Variants in FGFR1 observed in about 807,000 individuals in gnomAD.
FGFR1 encodes the protein FGFR1/PLAG1 fusion.
A neutral mutation model predicts 93.7 loss-of-function variants in FGFR1; 18 were observed. The ratio of observed to expected loss-of-function variants is 0.19; its 90% confidence interval spans 0.13 to 0.28. The LOEUF (loss-of-function observed/expected upper bound fraction) is 0.28. Among genes scored for constraint, FGFR1 ranks in the 10% least tolerant of loss-of-function variants. FGFR1 has a pLI of 1.00. For synonymous variants in FGFR1, 448 were observed against 429.3 expected (o/e 1.04, Z -0.54); for missense variants, 731 against 1,080.4 (o/e 0.68, Z 4.53).
intron 2 of FGFR1, 95 bp downstream of exon 2, chr8:38,457,261 T>C (rs2151335920): frequency 1.4e-6 from 2 of 1,387,498 alleles, no homozygotes; most frequent in Non-Finnish European, 2.0e-6. Context: ...GAGCCTTCCC[T>C]GTTGACCACA....
At position 38,413,442 on chromosome 8, in the gene FGFR1, G is replaced by T; in HGVS notation, c.*186C>A. ...TCTTTGCACCTCTCACCAGCAGGTG[G>T]AGAGGAGGTGGAGGGAGAGGTGAGC... On this transcript the variant is annotated 3_prime_UTR_variant, in exon 18 of 18. Transcript: ENST00000447712. The surrounding 1 kb of genome is among the most constrained non-coding windows in gnomAD (Gnocchi z 4.2). The T allele has an allele frequency of 3.2e-6, 2 of 616,174 alleles. No homozygotes were observed. The highest frequency in any genetic ancestry group is 3.0e-5 in the Admixed American group (1 of 33,474). 38.2% of individuals were successfully genotyped at this position (616,174 alleles called of 1,614,324 possible).
chr8:38,468,633 T>C lies in FGFR1; in HGVS notation c.-741A>G, dbSNP rs971464879. 50 of 231,236 alleles carry C rather than the reference T, an allele frequency of 2.2e-4. No individual in the cohort carries two copies. Among genetic ancestry groups the C allele is most frequent in the Middle Eastern group, 2.6e-3 (2 of 776 alleles). The allele number at this position is 231,236 out of a possible 1,614,324, so 14.3% of individuals were successfully genotyped here. ...GGCCGCAAGAGCGCTCCGAGCGCTA[T>C]GCGCCGGCGGGGCGCGAGGGCTCGC... On this transcript the variant is annotated 5_prime_UTR_variant, in exon 1 of 18. Transcript: ENST00000447712.
chr8:38,431,118 C>T (rs761394647), intron 2 of FGFR1, among the ~76,000 whole-genome samples: 10 of 152,228 alleles, frequency 6.6e-5, no homozygotes, highest in Non-Finnish European at 1.2e-4. Context: ...CTCAGTGGAG[C>T]GACTGCCGCT....
intron 2 of FGFR1, among the ~76,000 whole-genome samples, chr8:38,436,170 T>C (rs1287136451): frequency 2.7e-5 from 4 of 150,932 alleles, no homozygotes; most frequent in Non-Finnish European, 5.9e-5. Flanking sequence ...AGGCCAGGAG[T>C]TCAAAACCAG....
chr8:38,463,259 T>C (rs907826556), intron 1 of FGFR1: 4 of 175,656 alleles, frequency 2.3e-5, no homozygotes, highest in East Asian at 9.8e-5. Context: ...TCCATGCCTC[T>C]GTGCAAGACT....
rs2150709881 is a variant in FGFR1 at position 38,419,634 on chromosome 8, T to A, written c.1183A>T (p.Ile395Phe). 6.2e-7 allele frequency: 1 copy of A among 1,614,158 alleles called. No individual in the cohort carries two copies. Among genetic ancestry groups the A allele is most frequent in the East Asian group, 2.2e-5 (1 of 44,872 alleles). Reference sequence around the variant, plus strand: ...GTACCACTCTTCATCTTGTAGACGATGACCGACCCCACCATGCAGGAGATG... The same window carrying A: ...GTACCACTCTTCATCTTGTAGACGAAGACCGACCCCACCATGCAGGAGATG... The part of the protein sequence containing the change: ...FLISCMVGSV[I>F]VYKMKSGTKK... Residue 395 changes from isoleucine (I) to phenylalanine (F), a missense_variant, in exon 9 of 18, where the codon ATC becomes TTC. Physicochemically the swap from Ile to Phe is conservative, Grantham distance 21. This residue lies in a region of FGFR1 where 146 missense variants were observed against 173.0 expected (regional missense o/e 0.84). Coordinates refer to ENST00000447712, the MANE Select transcript of FGFR1 (RefSeq NM_023110.3).
chr8:38,428,624 C>T (rs533456621), intron 3 of FGFR1, 189 bp from the exon 4 acceptor site: 188 of 612,898 alleles, frequency 3.1e-4, no homozygotes, highest in Non-Finnish European at 1.8e-4. Flanking sequence ...TGCTTCCTTC[C>T]CCGAAGCACT....
chr8:38,464,886 T>C (rs1369071957), intron 1 of FGFR1, among the ~76,000 whole-genome samples: 1 of 152,236 alleles, frequency 6.6e-6, no homozygotes, highest in Non-Finnish European at 1.5e-5. Flanking sequence ...AAAAAAGCCT[T>C]TGTAGAAGCC....
intron 2 of FGFR1, among the ~76,000 whole-genome samples, chr8:38,436,826 C>A (rs1825633864): frequency 6.6e-6 from 1 of 152,136 alleles, no homozygotes; most frequent in Admixed American, 6.6e-5. Flanking sequence ...TCCCTCTTCC[C>A]TTCCTACTTT....
At chr8:38,444,511 C>T (rs1828677152) in intron 2 of FGFR1, among the ~76,000 whole-genome samples, 1 of 151,610 alleles carries the variant, frequency 6.6e-6, no homozygotes, top group Admixed American at 6.6e-5. Flanking sequence ...ACCTCAGCCC[C>T]CCAAGCAGCT....
Position 38,467,789 on chromosome 8 carries a change from G to A in FGFR1, c.-89+192C>T, listed in dbSNP as rs558370869. ...GCGCAGGAGACGCGGACGGAGGGAA[G>A]GGAGGGGAGACCCAAGGGGCGCGGA... On this transcript the variant is annotated intron_variant, in intron 1 of 17. Transcript: ENST00000447712. The A allele has an allele frequency of 5.1e-5, 12 of 233,260 alleles. No individual in the cohort carries two copies. In the South Asian group the frequency reaches 1.6e-3, roughly 32 times the overall value. 14.4% of individuals were successfully genotyped at this position (233,260 alleles called of 1,614,324 possible).
rs1817446985 is a variant in FGFR1 at position 38,418,242 on chromosome 8, C to T, written c.1416G>A (p.Glu472=). The change falls in exon 10 of 18, where the codon GAG becomes GAA. Residue 472 remains glutamate (E), a synonymous_variant. Coordinates refer to ENST00000447712, the MANE Select transcript of FGFR1 (RefSeq NM_023110.3). ...EYELPEDPRW[E]LPRDRLVLGK... ...AGTATTATTACCTGTCCCGAGGCAG[C>T]TCCCAGCGAGGGTCTTCGGGAAGCT... is the stretch of plus-strand genomic sequence containing the variant. The T allele has an allele frequency of 2.5e-6, 4 of 1,614,224 alleles. No homozygotes were observed. The East Asian group carries it at 6.7e-5, about 27-fold the overall frequency.
chr8:38,464,148 C>T (rs1379067630), intron 1 of FGFR1, among the ~76,000 whole-genome samples: 1 of 151,932 alleles, frequency 6.6e-6, no homozygotes, highest in East Asian at 1.9e-4. Flanking sequence ...AACACCATCT[C>T]TATTAAAAAC....
Position 38,414,247 on chromosome 8 carries a change from G to A in FGFR1, c.2091C>T (p.Gly697=), listed in dbSNP as rs773144331. The change falls in exon 16 of 18, where the codon GGC becomes GGT. Residue 697 remains glycine (G), a synonymous_variant. Coordinates refer to ENST00000447712, the MANE Select transcript of FGFR1 (RefSeq NM_023110.3). ...GVLLWEIFTL[G]GSPYPGVPVE... The stretch of plus-strand genomic sequence containing the variant: ...CAGGCACACCGGGGTATGGGGAGCC[G>A]CCCAGAGTGAAGATCTCCCACAGGA... The A allele has an allele frequency of 4.0e-5, 65 of 1,613,978 alleles. No homozygotes were observed. Among genetic ancestry groups the A allele is most frequent in the Non-Finnish European group, 4.7e-5 (55 of 1,180,012 alleles).
chr8:38,468,451 G>C lies in FGFR1; in HGVS notation c.-559C>G. 1 of 228,820 alleles carries C rather than the reference G, an allele frequency of 4.4e-6. No individual in the cohort carries two copies. Among genetic ancestry groups the C allele is most frequent in the Non-Finnish European group, 8.7e-6 (1 of 115,024 alleles). 14.2% of individuals were successfully genotyped at this position (228,820 alleles called of 1,614,324 possible). On this transcript the variant is annotated 5_prime_UTR_variant, in exon 1 of 18. Coordinates refer to ENST00000447712, the MANE Select transcript of FGFR1 (RefSeq NM_023110.3). ...AAGCAGCGGCGCGCTCGCGGCCGGG[G>C]AAGGCGAGGTCGCCGCAATGCGCTA...
intron 2 of FGFR1, among the ~76,000 whole-genome samples, chr8:38,437,639 T>C (rs1478826621): frequency 2.0e-5 from 3 of 152,112 alleles, no homozygotes; most frequent in Non-Finnish European, 4.4e-5. Flanking sequence ...TACCCTGGTC[T>C]GAGGGGCAGT....
At position 38,419,718 on chromosome 8, in the gene FGFR1, C is replaced by A. The variant is rs756016701; in HGVS notation, c.1099G>T (p.Ala367Ser). The A allele has an allele frequency of 6.2e-7, 1 of 1,614,094 alleles. No homozygotes were observed. Among genetic ancestry groups the A allele is most frequent in the South Asian group, 1.1e-5 (1 of 91,066 alleles). ...TVLEALEERPAVMTSPLYLEI... is the reference protein window; with the variant it reads ...TVLEALEERPSVMTSPLYLEI... ...AGGTACAGGGGCGAGGTCATCACTGCCGGCCTCTCTTCCAGGGCTGAGTCA... is the reference window on the plus strand; with the variant it reads ...AGGTACAGGGGCGAGGTCATCACTGACGGCCTCTCTTCCAGGGCTGAGTCA... The change falls in exon 9 of 18, where the codon GCA becomes TCA. Residue 367 changes from alanine (A) to serine (S), a missense_variant. Transcript: ENST00000447712.
At chr8:38,463,912 A>T (rs1389746910) in intron 1 of FGFR1, among the ~76,000 whole-genome samples, 1 of 152,174 alleles carries the variant, frequency 6.6e-6, no homozygotes, top group Non-Finnish European at 1.5e-5. Flanking sequence ...AAAGTTACTC[A>T]GCTCAGCTTG....
chr8:38,432,055 G>C (rs1038507090), intron 2 of FGFR1, among the ~76,000 whole-genome samples: 7 of 152,128 alleles, frequency 4.6e-5, no homozygotes, highest in Non-Finnish European at 1.0e-4. Flanking sequence ...GAGTAAACTT[G>C]AATTCTTACC....
Sources: allele counts gnomAD v4.1 joint callset (sites outside exome capture counted in the v4.1 genomes callset), GRCh38; gene constraint gnomAD v4.1.1; regional missense constraint gnomAD v4.1.1; non-coding constraint Gnocchi (gnomAD v3.1); transcripts MANE v1.5; gene names NCBI Gene and HGNC (gene_info 2026-07-23, HGNC 2026-07-21).